The following STK24 variants were observed in gnomAD, a reference collection of about 807,000 sequenced individuals.
STK24 encodes serine/threonine kinase 24, also known as serine/threonine-protein kinase 24.
In STK24, 21 loss-of-function variants were observed where a neutral mutation model predicts 55.6. That is an observed-to-expected ratio of 0.38 (90% CI 0.27 to 0.54). The LOEUF (loss-of-function observed/expected upper bound fraction) is 0.54. Ranked by LOEUF, STK24 falls within the 20% of genes least tolerant of loss-of-function variation. The pLI is 0.79. For missense variants in STK24, 383 were observed against 538.4 expected (o/e 0.71, Z 2.86); for synonymous variants, 200 against 215.2 (o/e 0.93, Z 0.62).
At chr13:98,460,749 T>C (rs1161726935) in intron 8 of STK24, among the ~76,000 whole-genome samples, 2 of 152,056 alleles carry the variant, frequency 1.3e-5, no homozygotes, top group African/African-American at 4.8e-5. Context: ...TACGCAGAAG[T>C]GCTTTACTGG....
chr13:98,519,350 C>G lies in STK24; in HGVS notation c.166G>C (p.Asp56His), dbSNP rs753782555. ...ATCTCATCTTCAGCTTCTTCCAGAT[C>G]AATGATCTTTATGGCAACCACTTTC... ...TQKVVAIKII[D>H]LEEAEDEIED... The change falls in exon 2 of 11, where the codon GAT (aspartate) becomes CAT (histidine). Residue 56 changes from aspartate (D) to histidine (H), a missense_variant. Transcript: ENST00000539966. 3 of 1,614,226 alleles carry G rather than the reference C, an allele frequency of 1.9e-6. No homozygotes were observed. Among genetic ancestry groups the G allele is most frequent in the Non-Finnish European group, 2.5e-6 (3 of 1,180,042 alleles).
At chr13:98,541,201 T>G (rs916138215) in intron 1 of STK24, among the ~76,000 whole-genome samples, 1 of 151,682 alleles carries the variant, frequency 6.6e-6, no homozygotes, top group African/African-American at 2.4e-5. Flanking sequence ...TGGAAAACTT[T>G]GTAATTTTGA....
chr13:98,553,285 A>C (rs1189493645), intron 1 of STK24: 1 of 152,252 alleles, frequency 6.6e-6, no homozygotes, highest in South Asian at 2.1e-4. Context: ...ATGTCATCAC[A>C]TGCGTTAGTG....
intron 1 of STK24, among the ~76,000 whole-genome samples, chr13:98,535,395 GTA>G (rs1896699518): frequency 1.3e-5 from 1 of 77,066 alleles, no homozygotes; most frequent in Admixed American, 1.6e-4. Flanking sequence ...ATATATGTGT[GTA>G]TACACACACA....
intron 2 of STK24, among the ~76,000 whole-genome samples, chr13:98,503,024 G>GTGTTTTTTTTTTTTTTTTTTT (rs1555306356): frequency 1.9e-5 from 2 of 107,058 alleles, no homozygotes; most frequent in African/African-American, 8.0e-5. Flanking sequence ...CTTTCCATGT[G>GTGTTTTTTTTTTTTTTTTTTT]TTTTTTTTTT....
intron 1 of STK24, among the ~76,000 whole-genome samples, chr13:98,549,261 C>G (rs1897104481): frequency 6.6e-6 from 1 of 152,228 alleles, no homozygotes. Flanking sequence ...GCTTACAGTT[C>G]TGGAGGTTGG....
At chr13:98,553,303 C>T (rs1481982384) in intron 1 of STK24, 2 of 152,214 alleles carry the variant, frequency 1.3e-5, no homozygotes, top group Non-Finnish European at 2.9e-5. Flanking sequence ...GTGTGCAAAC[C>T]TGCCGGTGGG....
chr13:98,563,777 A>G (rs4561307), intron 1 of STK24, among the ~76,000 whole-genome samples: 149,242 of 151,810 alleles, frequency 0.98, 73,418 homozygotes, highest in Middle Eastern at 1. Context: ...GGAGAATGGC[A>G]TGAACCTGGG....
chr13:98,568,911 A>G (rs1897661492), intron 1 of STK24, among the ~76,000 whole-genome samples: 1 of 152,162 alleles, frequency 6.6e-6, no homozygotes. Context: ...GCCGATGCAG[A>G]AGGTTCACCA....
intron 1 of STK24, among the ~76,000 whole-genome samples, chr13:98,572,171 C>A (rs147782814): frequency 6.6e-6 from 1 of 152,204 alleles, no homozygotes; most frequent in South Asian, 2.1e-4. Flanking sequence ...AGCAGGCAGC[C>A]GACCTCTTGA....
intron 6 of STK24, among the ~76,000 whole-genome samples, chr13:98,465,783 C>T (rs1893905350): frequency 6.6e-6 from 1 of 152,174 alleles, no homozygotes. Context: ...CCTCCAACAC[C>T]AACACACACA....
chr13:98,539,666 G>A (rs1896832451), intron 1 of STK24, among the ~76,000 whole-genome samples: 2 of 152,108 alleles, frequency 1.3e-5, no homozygotes, highest in South Asian at 4.1e-4. Context: ...GGTCCATAAT[G>A]GCAACTTTTT....
chr13:98,511,849 T>C (rs1204505638), intron 2 of STK24, among the ~76,000 whole-genome samples: 2 of 152,008 alleles, frequency 1.3e-5, no homozygotes, highest in African/African-American at 2.4e-5. Context: ...TAAGAATCTA[T>C]ACATATGTTA....
intron 2 of STK24, among the ~76,000 whole-genome samples, chr13:98,488,195 ACACACACACACG>A (rs1318009710): frequency 6.7e-6 from 1 of 150,246 alleles, no homozygotes; most frequent in African/African-American, 2.5e-5. Context: ...ACACACACAC[ACACACACACACG>A]GGAAGACCAC....
intron 2 of STK24, among the ~76,000 whole-genome samples, chr13:98,518,569 G>A (rs937408047): frequency 6.6e-6 from 1 of 152,316 alleles, no homozygotes; most frequent in East Asian, 1.9e-4. Flanking sequence ...TGAAACACAA[G>A]AACGGTCATA....
chr13:98,473,359 A>T (rs1011669567), intron 5 of STK24, among the ~76,000 whole-genome samples: 2 of 147,340 alleles, frequency 1.4e-5, no homozygotes, highest in East Asian at 4.1e-4. Context: ...AAAGAATGAG[A>T]AGAGAATAAT....
At chr13:98,523,941 C>A (rs1317555370) in intron 1 of STK24, among the ~76,000 whole-genome samples, 1 of 152,162 alleles carries the variant, frequency 6.6e-6, no homozygotes, top group African/African-American at 2.4e-5. Context: ...ATGCCTCCAT[C>A]CCTGCCCTCT....
intron 6 of STK24, among the ~76,000 whole-genome samples, chr13:98,465,359 G>A (rs575107377): frequency 1.3e-5 from 2 of 152,364 alleles, no homozygotes; most frequent in East Asian, 1.9e-4. Flanking sequence ...GGTAGCTGTG[G>A]GGTGGAGCTC....
intron 1 of STK24, among the ~76,000 whole-genome samples, chr13:98,525,048 C>T (rs555353568): frequency 2.0e-5 from 3 of 152,254 alleles, no homozygotes; most frequent in East Asian, 1.9e-4. Flanking sequence ...GGGTTCCCTG[C>T]GCGGGCAGCC....
Sources: gnomAD v4.1 joint callset for allele counts (sites outside exome capture counted in the v4.1 genomes callset) on GRCh38, gnomAD v4.1.1 for gene constraint, MANE v1.5 for transcripts, NCBI Gene and HGNC (gene_info 2026-07-23, HGNC 2026-07-21) for gene names.